The following SGCD variants were observed in gnomAD, a reference collection of about 807,000 sequenced individuals.
The protein encoded by SGCD is delta-sarcoglycan.
SGCD carries 18 observed loss-of-function variants against 36.6 expected under a neutral mutation model. The ratio of observed to expected loss-of-function variants is 0.49; its 90% CI spans 0.34 to 0.73. The LOEUF (loss-of-function observed/expected upper bound fraction) is 0.73, where lower values mean the gene tolerates loss of function less well. Ranked by LOEUF, SGCD falls within the 30% of genes least tolerant of loss-of-function variation. SGCD has a pLI of 0.01. For synonymous variants in SGCD, 133 were observed against 130.6 expected (o/e 1.02, Z -0.12); for missense variants, 387 against 346.7 (o/e 1.12, Z -0.92).
At chr5:156,055,887 A>G (rs1178713370) in intron 1 of SGCD, among the ~76,000 whole-genome samples, 1 of 146,402 alleles carries the variant, frequency 6.8e-6, no homozygotes, top group Non-Finnish European at 1.5e-5. Context: ...TTAGTGGAAT[A>G]AAAAACAGAA....
At chr5:156,404,778 G>A (rs1365381924) in intron 3 of SGCD, among the ~76,000 whole-genome samples, 2 of 151,958 alleles carry the variant, frequency 1.3e-5, no homozygotes, top group Non-Finnish European at 2.9e-5. Context: ...AAAATATTTT[G>A]GTATGAATTT....
intron 3 of SGCD, among the ~76,000 whole-genome samples, chr5:156,488,109 T>G (rs867917807): frequency 6.5e-5 from 9 of 139,254 alleles, no homozygotes; most frequent in East Asian, 4.1e-4. Context: ...TTTTTTTTTT[T>G]TTTTTTTTTT....
intron 3 of SGCD, among the ~76,000 whole-genome samples, chr5:156,483,626 C>T (rs558811965): frequency 6.6e-6 from 1 of 152,338 alleles, no homozygotes; most frequent in South Asian, 2.1e-4. Flanking sequence ...TTCTTTTCTT[C>T]TGCATTTCTT....
chr5:156,291,917 A>G (rs151087337), intron 3 of SGCD, among the ~76,000 whole-genome samples: 384 of 152,236 alleles, frequency 2.5e-3, no homozygotes, highest in African/African-American at 8.7e-3. Flanking sequence ...ATGCATTGTT[A>G]TTAATGATTT....
chr5:156,203,985 A>G (rs1764210524), intron 3 of SGCD, among the ~76,000 whole-genome samples: 1 of 152,146 alleles, frequency 6.6e-6, no homozygotes. Context: ...AATATTATTT[A>G]GTGTTTAAGT....
intron 1 of SGCD, among the ~76,000 whole-genome samples, chr5:156,031,807 C>A (rs1359612063): frequency 1.3e-5 from 2 of 152,150 alleles, no homozygotes; most frequent in African/African-American, 4.8e-5. Context: ...CACACAGTAA[C>A]CAAGGGGCTT....
the SGCD span, among the ~76,000 whole-genome samples, chr5:155,788,220 T>C: frequency 6.6e-6 from 1 of 152,196 alleles, no homozygotes; most frequent in Admixed American, 6.6e-5. Context: ...AATAACCTTC[T>C]ACTTCAAAAT....
At chr5:156,682,769 G>A (rs1753769048) in intron 7 of SGCD, among the ~76,000 whole-genome samples, 1 of 147,402 alleles carries the variant, frequency 6.8e-6, no homozygotes, top group African/African-American at 2.5e-5. Flanking sequence ...AAGGACCAGG[G>A]GAGGCTTAGT....
chr5:155,851,396 A>G, the SGCD span, among the ~76,000 whole-genome samples: 1 of 152,050 alleles, frequency 6.6e-6, no homozygotes, highest in Non-Finnish European at 1.5e-5. Context: ...TGGTGAGCTG[A>G]CATCTTGGTG....
At chr5:156,304,541 A>G (rs2127686465) in intron 3 of SGCD, among the ~76,000 whole-genome samples, 1 of 152,250 alleles carries the variant, frequency 6.6e-6, no homozygotes, top group South Asian at 2.1e-4. Context: ...TTGTTTTGTA[A>G]ATTGCCCAGT....
intron 1 of SGCD, among the ~76,000 whole-genome samples, chr5:155,886,618 A>C (rs550459404): frequency 3.9e-5 from 6 of 152,324 alleles, no homozygotes; most frequent in Admixed American, 3.9e-4. Flanking sequence ...TCCACCCTAC[A>C]GGAAAACAGT....
rs1426121561 is a variant in SGCD at position 155,985,913 on chromosome 5, GA to G, written c.-282+115491del. 2.6e-5 allele frequency among the ~76,000 whole-genome samples: 4 copies of G among 152,280 alleles called. No individual in the cohort carries two copies. The East Asian group carries it at 7.7e-4, about 29-fold the overall frequency. On this transcript the variant is annotated intron_variant, in intron 1 of 9. Transcript: ENST00000517913. ...AAATGCCTCCTCTCAGGTGTTTGCA[GA>G]AGGCAATAGGTTTTTGATAAAAGAA...
chr5:155,797,487 T>A, the SGCD span, among the ~76,000 whole-genome samples: 1 of 152,162 alleles, frequency 6.6e-6, no homozygotes, highest in African/African-American at 2.4e-5. Flanking sequence ...AACTGTTTTG[T>A]AGGAAAAAAG....
rs371139303 is a variant in SGCD, at chr5:156,576,247, C to T, written c.295-12984C>T. Among the ~76,000 whole-genome samples the T allele has an allele frequency of 2.6e-5, 4 of 152,266 alleles. No individual in the cohort carries two copies. In the East Asian group the frequency reaches 5.8e-4, roughly 22 times the overall value. ...GCTGCATCCATGTCCCTGCAAAGGA[C>T]GTGAACTCATTCTTTTTCATGGCTA... On this transcript the variant is annotated intron_variant, in intron 4 of 8. Coordinates refer to ENST00000337851, the MANE Select transcript of SGCD (RefSeq NM_000337.6).
In SGCD at chr5:156,155,014, G is replaced by A. The variant is rs145000818; in HGVS notation, c.-44+30995G>A. On this transcript the variant is annotated intron_variant, in intron 3 of 9. Transcript: ENST00000517913. ...TTAATGAGTAAAATAGGTCAGGTTT[G>A]CATTTTAAGCATGCAGGAAAGGTTT... is the stretch of plus-strand genomic sequence containing the variant. Among the ~76,000 whole-genome samples the A allele has an allele frequency of 1.7e-3, 265 of 151,680 alleles. 12 individuals carry two copies. Among genetic ancestry groups the A allele is most frequent in the African/African-American group, 6.1e-3 (251 of 40,988 alleles).
intron 1 of SGCD, among the ~76,000 whole-genome samples, chr5:156,087,239 T>C (rs1378068175): frequency 6.6e-6 from 1 of 152,224 alleles, no homozygotes; most frequent in Non-Finnish European, 1.5e-5. Context: ...AATTTGTTTA[T>C]GCATATTATT....
At chr5:156,700,564 A>G (rs1489023529) in intron 7 of SGCD, among the ~76,000 whole-genome samples, 4 of 152,136 alleles carry the variant, frequency 2.6e-5, no homozygotes, top group Non-Finnish European at 2.9e-5. Context: ...TGTTATTTCA[A>G]CAGGCACCTA....
the SGCD span, among the ~76,000 whole-genome samples, chr5:155,844,277 T>A: frequency 6.6e-5 from 10 of 152,170 alleles, no homozygotes; most frequent in Non-Finnish European, 1.2e-4. Flanking sequence ...TTGAATTTTT[T>A]AAAAATAAAA....
intron 8 of SGCD, among the ~76,000 whole-genome samples, chr5:156,758,794 A>G (rs1252398492): frequency 6.6e-6 from 1 of 152,134 alleles, no homozygotes; most frequent in Non-Finnish European, 1.5e-5. Flanking sequence ...AGAAAAAAAA[A>G]AAGCAGAAAG....
Sources: allele counts gnomAD v4.1 joint callset (sites outside exome capture counted in the v4.1 genomes callset), GRCh38; gene constraint gnomAD v4.1.1; transcripts MANE v1.5; gene names NCBI Gene and HGNC (gene_info 2026-07-23, HGNC 2026-07-21).